The following ATRX variants were observed in gnomAD, a reference collection of about 807,000 sequenced individuals.
The protein encoded by ATRX is chromatin remodeler ATRX.
ATRX carries 12 observed loss-of-function variants against 172.6 expected under a neutral mutation model. The ratio of observed to expected loss-of-function variants is 0.07; its 90% CI spans 0.04 to 0.11. ATRX has a LOEUF of 0.11. Among genes scored for constraint, ATRX ranks in the 10% least tolerant of loss-of-function variants. The probability of loss-of-function intolerance (pLI) is 1.00; values close to 1 mark genes in which losing one functional copy is unlikely to be tolerated. For synonymous variants in ATRX, 674 were observed against 594.7 expected (o/e 1.13, Z -1.94); for missense variants, 1,368 against 1,767.4 (o/e 0.77, Z 4.05).
intron 19 of ATRX, among the ~76,000 whole-genome samples, chrX:77,630,355 T>C (rs2068053466): frequency 8.9e-6 from 1 of 111,893 alleles, no homozygotes; most frequent in African/African-American, 3.2e-5. Context: ...TCTAACAGAA[T>C]CCCAGCTAGT....
chrX:77,645,219 T>C lies in ATRX; in HGVS notation c.4557+6895A>G, dbSNP rs1557113115. Among the ~76,000 whole-genome samples, 3 of 111,777 alleles carry C rather than the reference T, an allele frequency of 2.7e-5. No homozygotes were observed. In the East Asian group the frequency reaches 8.3e-4, roughly 31 times the overall value. ...ATAGTACAATGGCATAATCATAGCT[T>C]ACTGTATCCTCGAACCCCTGGCTAA... On this transcript the variant is annotated intron_variant, in intron 15 of 34. Transcript: ENST00000373344.
Position 77,601,544 on chromosome X carries a change from C to T in ATRX, c.5567-980G>A, listed in dbSNP as rs188793357. ...GATGTATAAAATGTAAATATTAGCTCTGCTCTATCCAGAATAATTTCAACA... is the reference window on the plus strand; with the variant it reads ...GATGTATAAAATGTAAATATTAGCTTTGCTCTATCCAGAATAATTTCAACA... On this transcript the variant is annotated intron_variant, in intron 22 of 34. Coordinates refer to ENST00000373344, the MANE Select transcript of ATRX (RefSeq NM_000489.6). Among the ~76,000 whole-genome samples the T allele has an allele frequency of 7.5e-4, 82 of 109,357 alleles. 1 individual carries two copies. The highest frequency in any genetic ancestry group is 2.6e-3 in the African/African-American group (77 of 30,109). 95.0% of individuals were successfully genotyped at this position (109,357 alleles called of 115,157 possible). A position where few individuals can be genotyped will look rare whatever the true frequency, so the allele number is the denominator to read the frequency against.
At chrX:77,532,848 G>A (rs1376802281) in intron 30 of ATRX, among the ~76,000 whole-genome samples, 6 of 111,820 alleles carry the variant, frequency 5.4e-5, no homozygotes, top group Admixed American at 1.9e-4. Flanking sequence ...TCATCAGAGC[G>A]AACAGACAAC....
At chrX:77,541,856 A>G (rs2064011441) in intron 30 of ATRX, among the ~76,000 whole-genome samples, 2 of 111,853 alleles carry the variant, frequency 1.8e-5, no homozygotes, top group South Asian at 7.4e-4. Flanking sequence ...CCCACAGCCA[A>G]TATCATACTG....
chrX:77,601,409 T>C (rs2066669677), intron 22 of ATRX, among the ~76,000 whole-genome samples: 2 of 107,868 alleles, frequency 1.9e-5, no homozygotes, highest in Non-Finnish European at 3.8e-5. Flanking sequence ...GCCCAGGAGT[T>C]TGAGGTTACA....
intron 30 of ATRX, among the ~76,000 whole-genome samples, chrX:77,540,887 T>C: frequency 9.0e-6 from 1 of 111,179 alleles, no homozygotes; most frequent in Non-Finnish European, 1.9e-5. Context: ...ATCAACACTC[T>C]AACATCACAA....
intron 27 of ATRX, among the ~76,000 whole-genome samples, chrX:77,579,989 C>T (rs2065771057): frequency 1.8e-5 from 2 of 111,841 alleles, no homozygotes; most frequent in Non-Finnish European, 3.8e-5. Context: ...ACAAAGCAGA[C>T]ATTCTGGAGT....
intron 34 of ATRX, among the ~76,000 whole-genome samples, chrX:77,516,223 A>C (rs1271459377): frequency 8.9e-6 from 1 of 111,911 alleles, no homozygotes; most frequent in Admixed American, 9.5e-5. Flanking sequence ...ATGAACTTAA[A>C]ATGAAAGTTT....
chrX:77,661,485 T>A (rs1351990265), intron 12 of ATRX, among the ~76,000 whole-genome samples: 1 of 109,777 alleles, frequency 9.1e-6, no homozygotes, highest in Non-Finnish European at 1.9e-5. Flanking sequence ...AAAAAAAACT[T>A]TTCAATGGCT....
chrX:77,749,352 A>G (rs191864426), intron 1 of ATRX, among the ~76,000 whole-genome samples: 6 of 110,887 alleles, frequency 5.4e-5, no homozygotes, highest in African/African-American at 2.0e-4. Context: ...CACACACACC[A>G]ATTTTCTTCA....
intron 27 of ATRX, among the ~76,000 whole-genome samples, chrX:77,575,190 A>G (rs1212590449): frequency 9.0e-6 from 1 of 110,897 alleles, no homozygotes; most frequent in Non-Finnish European, 1.9e-5. Flanking sequence ...ACAGTTAACA[A>G]AACTGAGATT....
chrX:77,771,882 C>T (rs1557199278), intron 1 of ATRX, among the ~76,000 whole-genome samples: 1 of 111,360 alleles, frequency 9.0e-6, no homozygotes, highest in Admixed American at 9.6e-5. Flanking sequence ...GGGTAGAGGT[C>T]AGGGATAAAA....
chrX:77,653,022 G>GA (rs1224591526), intron 14 of ATRX, among the ~76,000 whole-genome samples: 37 of 92,348 alleles, frequency 4.0e-4, no homozygotes, highest in African/African-American at 1.4e-3. Flanking sequence ...AAAAAAAAAA[G>GA]AAAAAAAGAA....
intron 1 of ATRX, among the ~76,000 whole-genome samples, chrX:77,741,231 T>C (rs2074852954): frequency 9.0e-6 from 1 of 111,240 alleles, no homozygotes; most frequent in Admixed American, 9.6e-5. Context: ...TAAATTTAAA[T>C]TTAAAAAAGT....
chrX:77,606,801 T>C (rs1016959357), intron 22 of ATRX, among the ~76,000 whole-genome samples: 4 of 102,358 alleles, frequency 3.9e-5, no homozygotes, highest in Non-Finnish European at 7.9e-5. Context: ...AATACATACA[T>C]ACACACATAT....
chrX:77,725,832 T>C (rs1330780718), intron 1 of ATRX, among the ~76,000 whole-genome samples: 3 of 112,395 alleles, frequency 2.7e-5, no homozygotes, highest in Non-Finnish European at 5.6e-5. Flanking sequence ...CAGACACTTC[T>C]CAAAAGAAGA....
intron 8 of ATRX, 93 bp downstream of exon 8, chrX:77,684,846 C>A: frequency 3.5e-6 from 3 of 855,800 alleles, no homozygotes; most frequent in Non-Finnish European, 3.5e-6. Context: ...ACATCAATGA[C>A]GATACTATGA....
chrX:77,655,687 T>C (rs1311836737), intron 13 of ATRX, among the ~76,000 whole-genome samples: 2 of 109,059 alleles, frequency 1.8e-5, no homozygotes, highest in African/African-American at 6.7e-5. Flanking sequence ...ACATGCTGAA[T>C]TGTATCTTGG....
chrX:77,726,739 T>C lies in ATRX; in HGVS notation c.21-9496A>G, dbSNP rs1458835306. On this transcript the variant is annotated intron_variant, in intron 1 of 34. Coordinates refer to ENST00000373344, the MANE Select transcript of ATRX (RefSeq NM_000489.6). ...TGAGATCTGATCTGCCTATCTGCAA[T>C]TGGGTCAAAAAAATAAATCTAAATC... 3.6e-5 allele frequency among the ~76,000 whole-genome samples: 4 copies of C among 110,435 alleles called. No individual in the cohort carries two copies. In the East Asian group the frequency reaches 8.6e-4, roughly 24 times the overall value.
Sources: gnomAD v4.1 joint callset for allele counts (sites outside exome capture counted in the v4.1 genomes callset) on GRCh38, gnomAD v4.1.1 for gene constraint, MANE v1.5 for transcripts, NCBI Gene and HGNC (gene_info 2026-07-23, HGNC 2026-07-21) for gene names.